The following PTPRN2 variants were observed in gnomAD, a reference collection of about 807,000 sequenced individuals.
The protein encoded by PTPRN2 is protein tyrosine phosphatase receptor type N2, also known as receptor-type tyrosine-protein phosphatase N2.
Under a neutral mutation model 118.8 loss-of-function variants are expected in PTPRN2, and 74 were observed. The observed-to-expected ratio is 0.62, with a 90% CI of 0.52 to 0.76. PTPRN2 has a LOEUF of 0.76. Among genes scored for constraint, PTPRN2 ranks in the 30% least tolerant of loss-of-function variants. The pLI is 0.00. For synonymous variants in PTPRN2, 641 were observed against 608.0 expected, an observed-to-expected ratio of 1.05 and a Z score of -0.80; for missense variants, 1,481 against 1,394.4, an observed-to-expected ratio of 1.06 and a Z score of -0.99.
intron 10 of PTPRN2, among the ~76,000 whole-genome samples, chr7:158,101,894 C>T (rs1458895702): frequency 6.6e-6 from 1 of 152,186 alleles, no homozygotes; most frequent in East Asian, 1.9e-4. Context: ...TGGGGGAGGG[C>T]AGAGATGGCC....
rs571994078 is a variant in PTPRN2, at chr7:158,561,186, T to A, written c.112+26372A>T. 9.2e-5 allele frequency among the ~76,000 whole-genome samples: 14 copies of A among 152,360 alleles called. No homozygotes were observed. In the East Asian group the frequency reaches 2.5e-3, roughly 27 times the overall value. ...GGGACATTAGATTACTTAATTCTCA[T>A]AGTTCCTTGAAGTCAGAATTTCCAA... On this transcript the variant is annotated intron_variant, in intron 1 of 22. Transcript: ENST00000389418.
In PTPRN2 at chr7:158,264,831, G is replaced by A. The variant is rs112479708; in HGVS notation, c.277+51988C>T. Among the ~76,000 whole-genome samples the A allele has an allele frequency of 1.5e-3, 223 of 152,304 alleles. 1 individual carries two copies. Among genetic ancestry groups the A allele is most frequent in the African/African-American group, 5.0e-3 (206 of 41,558 alleles). On this transcript the variant is annotated intron_variant, in intron 3 of 22. Transcript: ENST00000389418. ...CCAGAACAGCGATGCTGCTTCTCAC[G>A]TGGGGTCCCTGGTCCTTGCTGGCAC...
chr7:157,671,444 C>A lies in PTPRN2; in HGVS notation c.2001+11281G>T, dbSNP rs557169324. Among the ~76,000 whole-genome samples, 1 of 152,032 alleles carries A rather than the reference C, an allele frequency of 6.6e-6. No homozygotes were observed. The highest frequency in any genetic ancestry group is 1.5e-5 in the Non-Finnish European group (1 of 68,000). ...GTGTTCGGGATGGGACGGGCCACCC[C>A]GGGCTGAGATGGAAGCTCAGGGGAC... On this transcript the variant is annotated intron_variant, in intron 13 of 22. Coordinates refer to ENST00000389418, the MANE Select transcript of PTPRN2 (RefSeq NM_002847.5). The surrounding 1 kb of genome is among the most constrained non-coding windows in gnomAD (Gnocchi z 4.1).
chr7:157,589,759 A>G (rs1284946924), intron 17 of PTPRN2, among the ~76,000 whole-genome samples: 1 of 152,256 alleles, frequency 6.6e-6, no homozygotes, highest in Non-Finnish European at 1.5e-5. Context: ...TAGGATTTTA[A>G]AAAGAAAGTT....
At chr7:157,962,383 C>T (rs1391009261) in intron 11 of PTPRN2, among the ~76,000 whole-genome samples, 1 of 152,162 alleles carries the variant, frequency 6.6e-6, no homozygotes, top group South Asian at 2.1e-4. Flanking sequence ...TTCCCGTTTC[C>T]TGTTCCTTGG....
At chr7:157,919,501 A>T (rs1036983444) in intron 11 of PTPRN2, among the ~76,000 whole-genome samples, 1 of 152,212 alleles carries the variant, frequency 6.6e-6, no homozygotes, top group Non-Finnish European at 1.5e-5. Context: ...ATGACGTCAA[A>T]GTAAATAGGT....
intron 12 of PTPRN2, among the ~76,000 whole-genome samples, chr7:157,809,603 C>T (rs532809282): frequency 8.5e-5 from 13 of 152,258 alleles, no homozygotes; most frequent in Non-Finnish European, 1.3e-4. Context: ...GTACGGCCGG[C>T]ATCCTTCTAA....
intron 13 of PTPRN2, among the ~76,000 whole-genome samples, chr7:157,661,584 T>C (rs964825234): frequency 1.3e-5 from 2 of 151,712 alleles, no homozygotes; most frequent in African/African-American, 4.9e-5. Context: ...GGGAATGGCC[T>C]GCAGGGAGGA....
chr7:158,225,370 C>T (rs768426808), intron 3 of PTPRN2, among the ~76,000 whole-genome samples: 14 of 152,010 alleles, frequency 9.2e-5, no homozygotes, highest in Admixed American at 5.2e-4. Flanking sequence ...CTCTGCACCA[C>T]GGAGCACCAC....
chr7:157,553,396 G>A lies in PTPRN2; in HGVS notation c.2903-4377C>T, dbSNP rs145120553. 1.7e-3 allele frequency among the ~76,000 whole-genome samples: 252 copies of A among 152,356 alleles called. 2 individuals are homozygous for A. Among genetic ancestry groups the A allele is most frequent in the African/African-American group, 5.7e-3 (239 of 41,586 alleles). On this transcript the variant is annotated intron_variant, in intron 21 of 22. Coordinates refer to ENST00000389418, the MANE Select transcript of PTPRN2 (RefSeq NM_002847.5). The stretch of plus-strand genomic sequence containing the variant: ...GAAGCCGTCAGGAGCTGTAGCAGGT[G>A]TGGGCGAGGAAGGGGCTCTCCCTCC...
At chr7:158,229,945 T>G (rs528042940) in intron 3 of PTPRN2, among the ~76,000 whole-genome samples, 1 of 151,016 alleles carries the variant, frequency 6.6e-6, no homozygotes, top group African/African-American at 2.4e-5. Flanking sequence ...AGGCATATAA[T>G]AATCAAACTC....
At chr7:158,063,671 G>A (rs1045178249) in intron 11 of PTPRN2, among the ~76,000 whole-genome samples, 4 of 152,138 alleles carry the variant, frequency 2.6e-5, no homozygotes, top group South Asian at 2.1e-4. Flanking sequence ...GCGAGACCAC[G>A]AACCCACCAG....
intron 13 of PTPRN2, chr7:157,669,448 A>T (rs1249263379): frequency 6.6e-6 from 3 of 457,388 alleles, no homozygotes; most frequent in African/African-American, 2.0e-5. Context: ...CACCCAGGGG[A>T]GGATGCCCCT....
At chr7:158,180,871 C>A (rs2150658707) in intron 5 of PTPRN2, among the ~76,000 whole-genome samples, 1 of 152,184 alleles carries the variant, frequency 6.6e-6, no homozygotes, top group East Asian at 1.9e-4. Context: ...GTAGGTATAT[C>A]ATATCATTGG....
At chr7:157,759,422 T>G (rs902110247) in intron 12 of PTPRN2, among the ~76,000 whole-genome samples, 1 of 152,224 alleles carries the variant, frequency 6.6e-6, no homozygotes, top group African/African-American at 2.4e-5. Flanking sequence ...GAACCCGAGG[T>G]GGACAGAGGT....
chr7:157,777,384 C>T (rs752931092), intron 12 of PTPRN2, among the ~76,000 whole-genome samples: 2 of 149,236 alleles, frequency 1.3e-5, no homozygotes. Flanking sequence ...TTCCTGATGC[C>T]GGAGGACACG....
intron 2 of PTPRN2, among the ~76,000 whole-genome samples, chr7:158,328,793 T>TGCC (rs1491355388): frequency 7.5e-6 from 1 of 133,954 alleles, no homozygotes; most frequent in African/African-American, 2.9e-5. Flanking sequence ...GGGCCTCCAT[T>TGCC]CCCCCCCCCC....
intron 2 of PTPRN2, among the ~76,000 whole-genome samples, chr7:158,443,092 A>G (rs1450123203): frequency 1.3e-5 from 2 of 151,896 alleles, no homozygotes; most frequent in South Asian, 2.1e-4. Context: ...TTCCCTTTAA[A>G]CCAGAATGAC....
At chr7:158,189,123 A>C (rs1825549921) in intron 5 of PTPRN2, among the ~76,000 whole-genome samples, 1 of 152,144 alleles carries the variant, frequency 6.6e-6, no homozygotes, top group African/African-American at 2.4e-5. Flanking sequence ...TCTACCAAAG[A>C]CCTTCACTCT....
Sources: gnomAD v4.1 joint callset for allele counts (sites outside exome capture counted in the v4.1 genomes callset) on GRCh38, gnomAD v4.1.1 for gene constraint, Gnocchi (gnomAD v3.1) non-coding constraint, MANE v1.5 for transcripts, NCBI Gene and HGNC (gene_info 2026-07-23, HGNC 2026-07-21) for gene names.